Variants in PTPRD observed in about 807,000 individuals in gnomAD.
PTPRD encodes the protein protein tyrosine phosphatase receptor type D.
PTPRD carries 34 observed loss-of-function variants against 214.5 expected under a neutral mutation model. The observed-to-expected ratio is 0.16, with a 90% confidence interval of 0.12 to 0.21. The LOEUF is 0.21. Ranked by LOEUF, PTPRD falls within the 10% of genes least tolerant of loss-of-function variation. The pLI is 1.00. For synonymous variants in PTPRD, 1,128 were observed against 845.7 expected, an observed-to-expected ratio of 1.33 and a Z score of -5.79; for missense variants, 2,545 against 2,398.7, an observed-to-expected ratio of 1.06 and a Z score of -1.27.
At chr9:10,090,432 A>C (rs1488145660) in intron 3 of PTPRD, among the ~76,000 whole-genome samples, 1 of 151,438 alleles carries the variant, frequency 6.6e-6, no homozygotes, top group African/African-American at 2.4e-5. Context: ...GGCAATTCTT[A>C]AAGGGCAAAA....
At chr9:10,487,072 T>C (rs2132472107) in intron 2 of PTPRD, among the ~76,000 whole-genome samples, 1 of 152,312 alleles carries the variant, frequency 6.6e-6, no homozygotes, top group East Asian at 1.9e-4. Context: ...TCTTTTTCTC[T>C]TTTTATAGTT....
At chr9:10,238,594 T>C (rs1043136675) in intron 3 of PTPRD, among the ~76,000 whole-genome samples, 1 of 151,902 alleles carries the variant, frequency 6.6e-6, no homozygotes, top group Non-Finnish European at 1.5e-5. Context: ...AAGCATATAC[T>C]TTTCCTTAAA....
At chr9:8,994,170 G>A (rs1290219761) in intron 11 of PTPRD, among the ~76,000 whole-genome samples, 2 of 152,076 alleles carry the variant, frequency 1.3e-5, no homozygotes, top group Non-Finnish European at 2.9e-5. Context: ...CCCTCTTTCT[G>A]TCTCAGTCTC....
intron 8 of PTPRD, among the ~76,000 whole-genome samples, chr9:9,487,991 ATTTTATTT>A (rs1042751640): frequency 6.2e-4 from 95 of 152,216 alleles, no homozygotes; most frequent in Middle Eastern, 3.4e-3. Flanking sequence ...CCCATGAGGT[ATTTTATTT>A]TTATACTATT....
chr9:8,398,024 T>C (rs1446491939), intron 36 of PTPRD, among the ~76,000 whole-genome samples: 1 of 152,190 alleles, frequency 6.6e-6, no homozygotes, highest in Non-Finnish European at 1.5e-5. Flanking sequence ...GTGTTTTCTT[T>C]TGCATTACAG....
At chr9:9,604,223 A>C (rs930302802) in intron 7 of PTPRD, among the ~76,000 whole-genome samples, 2 of 152,142 alleles carry the variant, frequency 1.3e-5, no homozygotes, top group Admixed American at 1.3e-4. Context: ...TTGAAAACAC[A>C]TCCTGTAGAA....
intron 12 of PTPRD, among the ~76,000 whole-genome samples, chr9:8,673,976 A>G (rs2097345365): frequency 6.6e-6 from 1 of 152,148 alleles, no homozygotes; most frequent in South Asian, 2.1e-4. Context: ...GTTACCAAAT[A>G]TTCCCTGGGA....
At position 9,013,406 on chromosome 9, in the gene PTPRD, C is replaced by G. The variant is rs151038222; in HGVS notation, c.-104+5291G>C. Among the ~76,000 whole-genome samples the G allele has an allele frequency of 3.1e-3, 470 of 152,210 alleles. 1 individual carries two copies. Among genetic ancestry groups the G allele is most frequent in the African/African-American group, 0.011 (441 of 41,532 alleles). Reference sequence around the variant, plus strand: ...AGCAAAGAAGCGATCAGTCACAAGGCAGAACTAATAATAGACTTCAAATAT... The same window carrying G: ...AGCAAAGAAGCGATCAGTCACAAGGGAGAACTAATAATAGACTTCAAATAT... On this transcript the variant is annotated intron_variant, in intron 11 of 45. Transcript: ENST00000381196.
intron 5 of PTPRD, among the ~76,000 whole-genome samples, chr9:9,873,735 T>G (rs2066099157): frequency 6.6e-6 from 1 of 152,176 alleles, no homozygotes; most frequent in South Asian, 2.1e-4. Context: ...CTTAATTCTT[T>G]TAATTAAAAT....
intron 3 of PTPRD, among the ~76,000 whole-genome samples, chr9:10,323,710 T>A (rs2096595908): frequency 6.6e-6 from 1 of 152,008 alleles, no homozygotes; most frequent in South Asian, 2.1e-4. Context: ...TATTTAGTTC[T>A]AATCTTAAAC....
At chr9:10,090,358 CA>C (rs1033061363) in intron 3 of PTPRD, among the ~76,000 whole-genome samples, 1 of 151,388 alleles carries the variant, frequency 6.6e-6, no homozygotes, top group Non-Finnish European at 1.5e-5. Context: ...ATTTGATCAT[CA>C]AAATATAGAA....
At chr9:9,052,823 G>A (rs2099688916) in intron 10 of PTPRD, among the ~76,000 whole-genome samples, 1 of 152,020 alleles carries the variant, frequency 6.6e-6, no homozygotes, top group African/African-American at 2.4e-5. Context: ...TTTTTTTCAT[G>A]GCAATACAAA....
intron 3 of PTPRD, among the ~76,000 whole-genome samples, chr9:10,171,047 T>C (rs1180313841): frequency 6.6e-6 from 1 of 152,214 alleles, no homozygotes; most frequent in East Asian, 1.9e-4. Context: ...GCAAACCATA[T>C]ATATTTGTTG....
At chr9:10,166,293 G>C (rs2099158717) in intron 3 of PTPRD, among the ~76,000 whole-genome samples, 1 of 146,770 alleles carries the variant, frequency 6.8e-6, no homozygotes, top group African/African-American at 2.5e-5. Context: ...AAAATTGTTT[G>C]AAAGCCTGCA....
chr9:9,004,098 T>C (rs540421916), intron 11 of PTPRD, among the ~76,000 whole-genome samples: 53 of 152,192 alleles, frequency 3.5e-4, no homozygotes, highest in African/African-American at 1.3e-3. Flanking sequence ...TAACCCCTTA[T>C]AGACTACAGT....
chr9:10,460,817 G>A (rs1436537250), intron 2 of PTPRD, among the ~76,000 whole-genome samples: 1 of 152,062 alleles, frequency 6.6e-6, no homozygotes. Context: ...AAAGCTCCTT[G>A]ACATTAGTCT....
chr9:8,928,507 G>T (rs1231120779), intron 11 of PTPRD, among the ~76,000 whole-genome samples: 3 of 151,876 alleles, frequency 2.0e-5, no homozygotes, highest in Non-Finnish European at 4.4e-5. Flanking sequence ...AAGATCAGAT[G>T]GTTGTAGATG....
intron 2 of PTPRD, among the ~76,000 whole-genome samples, chr9:10,461,995 G>C (rs2098962464): frequency 6.6e-6 from 1 of 152,112 alleles, no homozygotes; most frequent in African/African-American, 2.4e-5. Flanking sequence ...GGTTACCAGG[G>C]TCAGGCTGTG....
chr9:9,394,293 G>A (rs1185724641), intron 9 of PTPRD, among the ~76,000 whole-genome samples: 1 of 152,110 alleles, frequency 6.6e-6, no homozygotes, highest in East Asian at 1.9e-4. Context: ...ATAAGAGCTT[G>A]CATCTCTCAC....
Sources: allele counts gnomAD v4.1 joint callset (sites outside exome capture counted in the v4.1 genomes callset), GRCh38; gene constraint gnomAD v4.1.1; transcripts MANE v1.5; gene names NCBI Gene and HGNC (gene_info 2026-07-23, HGNC 2026-07-21).